Variants in ACSF2 observed in about 807,000 individuals in gnomAD.
ACSF2 encodes acyl-CoA synthetase family member 2.
Under a neutral mutation model 79.3 loss-of-function variants are expected in ACSF2, and 52 were observed. The ratio of observed to expected loss-of-function variants is 0.66; its 90% CI spans 0.53 to 0.83. ACSF2 has a LOEUF of 0.83. Ranked by LOEUF, ACSF2 falls within the 40% of genes least tolerant of loss-of-function variation. The pLI, the probability that ACSF2 is intolerant of heterozygous loss-of-function variation, is 0.00. For missense variants in ACSF2, 661 were observed against 803.3 expected (o/e 0.82, Z 2.14); for synonymous variants, 283 against 312.6 (o/e 0.91, Z 1.00).
At chr17:50,473,581 C>T in intron 12 of ACSF2, 84 bp from the exon 13 acceptor site, 1 of 1,584,212 alleles carries the variant, frequency 6.3e-7, no homozygotes, top group Non-Finnish European at 8.6e-7. Flanking sequence ...CACATAGTAG[C>T]TGGTCAATAA....
rs548703778 is a variant in ACSF2, at chr17:50,471,347, G to A, written c.1323+212G>A. 4.2e-5 allele frequency: 23 copies of A among 548,382 alleles called. No individual in the cohort carries two copies. Among genetic ancestry groups the A allele is most frequent in the Middle Eastern group, 4.9e-4 (1 of 2,032 alleles). 34.0% of individuals were successfully genotyped at this position (548,382 alleles called of 1,614,324 possible). A position where few individuals can be genotyped will look rare whatever the true frequency, so the allele number is the denominator to read the frequency against. On this transcript the variant is annotated intron_variant, in intron 11 of 15. Coordinates refer to ENST00000300441, the MANE Select transcript of ACSF2 (RefSeq NM_025149.6). The surrounding 1 kb of genome is among the most constrained non-coding windows in gnomAD (Gnocchi z 4.1). ...AAGAGCTGGAACAGTGGCTGTGAGC[G>A]GCTGCCAGCTGAACTTCTCCGCGGC... is the stretch of plus-strand genomic sequence containing the variant.
chr17:50,468,156 C>T (rs2032862090), intron 10 of ACSF2: 2 of 1,614,210 alleles, frequency 1.2e-6, no homozygotes, highest in East Asian at 4.5e-5. Context: ...TCCTCCACCA[C>T]CCGTAGCTTG....
chr17:50,459,248 G>A (rs1332361112), intron 1 of ACSF2, among the ~76,000 whole-genome samples: 1 of 152,096 alleles, frequency 6.6e-6, no homozygotes, highest in East Asian at 1.9e-4. Flanking sequence ...GGTTTTATTG[G>A]TTTGTTGTTT....
intron 1 of ACSF2, among the ~76,000 whole-genome samples, chr17:50,439,562 T>C (rs546283212): frequency 1.3e-5 from 2 of 152,330 alleles, no homozygotes; most frequent in East Asian, 3.9e-4. Flanking sequence ...GTGAAATTGC[T>C]GTGCTGAAGA....
chr17:50,468,938 A>T (rs2032947671), intron 10 of ACSF2: 5 of 1,407,162 alleles, frequency 3.6e-6, no homozygotes, highest in Non-Finnish European at 4.6e-6. Flanking sequence ...CCGGCAGCCG[A>T]GCCAGCTCCT....
intron 1 of ACSF2, among the ~76,000 whole-genome samples, chr17:50,451,006 C>T (rs563871754): frequency 1.3e-5 from 2 of 152,234 alleles, no homozygotes; most frequent in South Asian, 2.1e-4. Context: ...AATGGTAGCT[C>T]GCTGTAGCCT....
Position 50,463,236 on chromosome 17 carries a change from G to C in ACSF2, c.873G>C (p.Leu291=). 6.2e-7 allele frequency: 1 copy of C among 1,614,122 alleles called. No homozygotes were observed. The highest frequency in any genetic ancestry group is 8.5e-7 in the Non-Finnish European group (1 of 1,180,028). The change falls in exon 7 of 16, where the codon CTG becomes CTC. Residue 291 remains leucine, a synonymous_variant. Coordinates refer to ENST00000300441, the MANE Select transcript of ACSF2 (RefSeq NM_025149.6). This position sits in a 1 kb window ranked among gnomAD's most constrained non-coding sequence, Gnocchi z 4.6. ...VNNSNILGER[L]KLHEKTPEQL... ...ACTCCAACATTTTAGGAGAGCGCCT[G>C]AAACTGCATGAGAAGGTGAGGCGGC...
chr17:50,435,855 C>T (rs2062506647), intron 1 of ACSF2, among the ~76,000 whole-genome samples: 1 of 151,030 alleles, frequency 6.6e-6, no homozygotes, highest in Non-Finnish European at 1.5e-5. Flanking sequence ...TCGGTTCAAG[C>T]AATTCTCCTG....
intron 10 of ACSF2, chr17:50,468,570 G>A (rs1304246041): frequency 1.2e-6 from 2 of 1,614,238 alleles, no homozygotes; most frequent in Non-Finnish European, 1.7e-6. Flanking sequence ...CAGTGCTGCA[G>A]GTGCAATGAC....
chr17:50,442,833 C>T (rs1477456096), intron 1 of ACSF2, among the ~76,000 whole-genome samples: 2 of 151,972 alleles, frequency 1.3e-5, no homozygotes, highest in Non-Finnish European at 2.9e-5. Context: ...TAATCTCTTA[C>T]TCATAGGAAT....
At chr17:50,453,423 G>A (rs2031797031) in intron 1 of ACSF2, among the ~76,000 whole-genome samples, 1 of 152,064 alleles carries the variant, frequency 6.6e-6, no homozygotes, top group East Asian at 1.9e-4. Flanking sequence ...GGCCAGGCTG[G>A]TCTCAAACTC....
At chr17:50,439,842 GA>G (rs1413964968) in intron 1 of ACSF2, among the ~76,000 whole-genome samples, 2 of 152,170 alleles carry the variant, frequency 1.3e-5, no homozygotes, top group Non-Finnish European at 2.9e-5. Context: ...GGGGGTGAAA[GA>G]GTATCTCGTT....
At chr17:50,448,728 C>A (rs2031457335) in intron 1 of ACSF2, among the ~76,000 whole-genome samples, 1 of 152,176 alleles carries the variant, frequency 6.6e-6, no homozygotes, top group African/African-American at 2.4e-5. Flanking sequence ...CAGTCCAGGG[C>A]TGGACAGGCA....
At position 50,473,937 on chromosome 17, in the gene ACSF2, C is replaced by T; in HGVS notation, c.1661C>T (p.Ala554Val). The T allele has an allele frequency of 6.4e-7, 1 of 1,567,814 alleles. No homozygotes were observed. The highest frequency in any genetic ancestry group is 8.7e-7 in the Non-Finnish European group (1 of 1,154,904). Residue 554 changes from alanine (A) to valine (V), a missense_variant, in exon 14 of 16, where the codon GCC becomes GTC. Physicochemically the swap from Ala to Val is moderately conservative, Grantham distance 64. Transcript: ENST00000300441. ...GATCGGATGGGGGAAGAGATTTGTG[C>T]CTGCATTCGGCTGAAGGACGGGGAG... ...KDDRMGEEIC[A>V]CIRLKDGEET... is the part of the protein sequence containing the mutation.
rs1426194130 is a variant in ACSF2 at position 50,463,923 on chromosome 17, A to G, written c.1138+14A>G. 1.9e-6 allele frequency: 3 copies of G among 1,613,152 alleles called. No individual in the cohort carries two copies. In the African/African-American group the frequency reaches 4.0e-5, roughly 22 times the overall value. ...CCATGTGTGGAGGTGGGGTGGGGCCAAGGGCAGCCAGGCTTGGGGAGGGGG... is the reference window on the plus strand; with the variant it reads ...CCATGTGTGGAGGTGGGGTGGGGCCGAGGGCAGCCAGGCTTGGGGAGGGGG... On this transcript the variant is annotated intron_variant, in intron 9 of 15. Transcript: ENST00000300441. This position sits in a 1 kb window ranked among gnomAD's most constrained non-coding sequence, Gnocchi z 4.6.
At chr17:50,436,666 T>G (rs1352459462) in intron 1 of ACSF2, among the ~76,000 whole-genome samples, 1 of 147,320 alleles carries the variant, frequency 6.8e-6, no homozygotes, top group African/African-American at 2.5e-5. Context: ...ACTCCTGACC[T>G]CAGGTGATCC....
intron 1 of ACSF2, among the ~76,000 whole-genome samples, chr17:50,454,961 A>G (rs2031903552): frequency 6.6e-6 from 1 of 152,098 alleles, no homozygotes; most frequent in Non-Finnish European, 1.5e-5. Flanking sequence ...TCCAAACTAA[A>G]TGGGACTCCT....
chr17:50,465,068 C>G (rs1459501286), intron 10 of ACSF2: 8 of 568,694 alleles, frequency 1.4e-5, no homozygotes, highest in Admixed American at 1.3e-4. Context: ...AGGCAAAGAT[C>G]GATGTCAGTA....
intron 4 of ACSF2, among the ~76,000 whole-genome samples, chr17:50,461,951 T>TGTGTGTGTGCGC (rs112810352): frequency 2.0e-4 from 30 of 150,480 alleles, no homozygotes; most frequent in African/African-American, 7.1e-4. Context: ...TGTGTGTGTG[T>TGTGTGTGTGCGC]GCGTGTGTCC....
Sources: allele counts gnomAD v4.1 joint callset (sites outside exome capture counted in the v4.1 genomes callset), GRCh38; gene constraint gnomAD v4.1.1; non-coding constraint Gnocchi (gnomAD v3.1); transcripts MANE v1.5; gene names NCBI Gene and HGNC (gene_info 2026-07-23, HGNC 2026-07-21).